RAB2B: variants seen among roughly 807,000 people sequenced by gnomAD.
RAB2B encodes RAB2B, member RAS oncogene family, also known as ras-related protein Rab-2B.
Under a neutral mutation model 29.8 loss-of-function variants are expected in RAB2B, and 20 were observed. The ratio of observed to expected loss-of-function variants is 0.67; its 90% confidence interval spans 0.47 to 0.97. The LOEUF (loss-of-function observed/expected upper bound fraction) is 0.97, where lower values mean the gene tolerates loss of function less well. Ranked by LOEUF, RAB2B falls within the 50% of genes least tolerant of loss-of-function variation. The pLI, the probability that RAB2B is intolerant of heterozygous loss-of-function variation, is 0.00. For synonymous variants in RAB2B, 93 were observed against 91.7 expected, an observed-to-expected ratio of 1.01 and a Z score of -0.08; for missense variants, 218 against 272.0, an observed-to-expected ratio of 0.80 and a Z score of 1.40.
chr14:21,468,406 G>A lies in RAB2B; in HGVS notation c.313C>T (p.Arg105Trp), dbSNP rs975474659. The A allele has an allele frequency of 1.5e-5, 24 of 1,613,728 alleles. 1 individual carries two copies. The highest frequency in any genetic ancestry group is 2.7e-5 in the African/African-American group (2 of 74,814). ...ACCATGTTGGAACTAGAGTGCTGCC[G>A]GGCATCCTCTAACCATGAGGTCAGG... ...NHLTSWLEDA[R>W]QHSSSNMVIM... The change falls in exon 5 of 8, where the codon CGG becomes TGG. Residue 105 changes from arginine (R) to tryptophan (W), a missense_variant. Arg to Trp is a moderately radical substitution (Grantham distance 101). Transcript: ENST00000397762.
intron 6 of RAB2B, among the ~76,000 whole-genome samples, chr14:21,463,289 T>G (rs1289673393): frequency 1.4e-5 from 2 of 145,854 alleles, no homozygotes; most frequent in African/African-American, 5.1e-5. Context: ...CTCTGTTGCC[T>G]AGGCTGGAGT....
At chr14:21,468,540 C>A in intron 4 of RAB2B, 91 bp from the exon 5 acceptor site, 6 of 1,329,568 alleles carry the variant, frequency 4.5e-6, no homozygotes, top group South Asian at 1.2e-5. Context: ...GGAAGCCATA[C>A]GTGTAAAGAA....
At chr14:21,470,104 C>G (rs1332548499) in intron 3 of RAB2B, among the ~76,000 whole-genome samples, 1 of 152,012 alleles carries the variant, frequency 6.6e-6, no homozygotes, top group Non-Finnish European at 1.5e-5. Flanking sequence ...AGGCGCCCAC[C>G]ACCATGCCTG....
chr14:21,460,387 C>T lies in RAB2B; in HGVS notation c.*809G>A, dbSNP rs1333543546. 2 of 458,340 alleles carry T rather than the reference C, an allele frequency of 4.4e-6. No individual in the cohort carries two copies. Among genetic ancestry groups the T allele is most frequent in the South Asian group, 1.6e-5 (1 of 63,908 alleles). 28.4% of individuals were successfully genotyped at this position (458,340 alleles called of 1,614,324 possible). On this transcript the variant is annotated 3_prime_UTR_variant, in exon 8 of 8. Coordinates refer to ENST00000397762, the MANE Select transcript of RAB2B (RefSeq NM_032846.4). ...GGATCACGAGGTCAAGAGATCAAGACCATCCTGGCCAACATGGTGAAACCC... is the reference window on the plus strand; with the variant it reads ...GGATCACGAGGTCAAGAGATCAAGATCATCCTGGCCAACATGGTGAAACCC...
chr14:21,470,993 C>CAAAAAAAAAAAAAAAAAAAAA (rs869211285), intron 3 of RAB2B, among the ~76,000 whole-genome samples: 3 of 98,768 alleles, frequency 3.0e-5, no homozygotes, highest in African/African-American at 1.3e-4. Context: ...GCTAAAAATA[C>CAAAAAAAAAAAAAAAAAAAAA]AAAAAAAAAA....
At chr14:21,476,656 T>C (rs765940757) in intron 1 of RAB2B, 57 bp from the exon 2 acceptor site, 18 of 1,612,814 alleles carry the variant, frequency 1.1e-5, no homozygotes, top group South Asian at 9.9e-5. Flanking sequence ...TTCCAGAGTA[T>C]GGACTTCCCG....
chr14:21,468,127 T>C (rs1421807180), intron 5 of RAB2B, among the ~76,000 whole-genome samples: 1 of 152,058 alleles, frequency 6.6e-6, no homozygotes, highest in Non-Finnish European at 1.5e-5. Context: ...GTTCTGGAGA[T>C]GGATGTTGGT....
chr14:21,461,402 CAGAA>C (rs1050155008), intron 7 of RAB2B, 99 bp from the exon 8 acceptor site: 132 of 732,190 alleles, frequency 1.8e-4, no homozygotes, highest in Middle Eastern at 4.0e-4. Context: ...AGAAAGAAAA[CAGAA>C]AGGGGAGAAA....
chr14:21,466,998 C>T (rs911722496), intron 5 of RAB2B, among the ~76,000 whole-genome samples: 12 of 152,110 alleles, frequency 7.9e-5, no homozygotes, highest in South Asian at 2.1e-4. Context: ...CCTCCGCCTC[C>T]CGAGTTCAAG....
At chr14:21,466,485 C>T (rs1890690189) in intron 5 of RAB2B, among the ~76,000 whole-genome samples, 1 of 152,116 alleles carries the variant, frequency 6.6e-6, no homozygotes, top group Admixed American at 6.6e-5. Context: ...GAAACTCCAT[C>T]TCATAACAAA....
chr14:21,470,541 G>A (rs1447108240), intron 3 of RAB2B, among the ~76,000 whole-genome samples: 1 of 152,090 alleles, frequency 6.6e-6, no homozygotes, highest in East Asian at 1.9e-4. Flanking sequence ...AGCTGTTAGA[G>A]AATCAGAATC....
chr14:21,474,147 C>T (rs887561586), intron 3 of RAB2B, among the ~76,000 whole-genome samples: 7 of 151,552 alleles, frequency 4.6e-5, no homozygotes, highest in African/African-American at 9.7e-5. Context: ...GCCAAGATTA[C>T]GCCATTGCAT....
intron 5 of RAB2B, among the ~76,000 whole-genome samples, chr14:21,466,397 G>T (rs1488987051): frequency 2.0e-5 from 3 of 152,256 alleles, no homozygotes; most frequent in Admixed American, 2.0e-4. Context: ...TGAGGCAGGA[G>T]AATCGCTTGA....
At chr14:21,472,711 G>A (rs1169272419) in intron 3 of RAB2B, among the ~76,000 whole-genome samples, 2 of 151,900 alleles carry the variant, frequency 1.3e-5, no homozygotes, top group East Asian at 3.9e-4. Flanking sequence ...GTCCAAAGTC[G>A]TGGCTCTCAA....
chr14:21,471,235 T>C (rs2139603312), intron 3 of RAB2B, among the ~76,000 whole-genome samples: 1 of 151,782 alleles, frequency 6.6e-6, no homozygotes, highest in Non-Finnish European at 1.5e-5. Context: ...CCAAAGTTTG[T>C]GAACCAGTAA....
In RAB2B at chr14:21,472,346, C is replaced by T. The variant is rs545672631; in HGVS notation, c.186+2521G>A. Among the ~76,000 whole-genome samples the T allele has an allele frequency of 4.6e-5, 7 of 152,228 alleles. No individual in the cohort carries two copies. In the South Asian group the frequency reaches 1.5e-3, roughly 32 times the overall value. On this transcript the variant is annotated intron_variant, in intron 3 of 7. Coordinates refer to ENST00000397762, the MANE Select transcript of RAB2B (RefSeq NM_032846.4). ...AAAGACAACAAAAACCTTTGGACAA[C>T]CTGATCTCTTTAAAATACCTATCAC...
rs1890548929 is a variant in RAB2B, at chr14:21,461,259, T to G, written c.588A>C (p.Ser196=). Residue 196 remains serine (S), a synonymous_variant, in exon 8 of 8, where the codon TCA becomes TCC. Coordinates refer to ENST00000397762, the MANE Select transcript of RAB2B (RefSeq NM_032846.4). ...TCCGCTGGGAGGCACTGGGTCCCAC[T>G]GATGTTGAAATTGACTGTTGGGGCC... The part of the protein sequence containing the change: ...KIGPQQSIST[S]VGPSASQRNS... The G allele has an allele frequency of 1.2e-6, 2 of 1,613,740 alleles. No homozygotes were observed. The highest frequency in any genetic ancestry group is 2.2e-5 in the South Asian group (2 of 91,050).
In RAB2B at chr14:21,476,915, G is replaced by C; in HGVS notation, c.-43C>G. The C allele has an allele frequency of 6.2e-7, 1 of 1,604,884 alleles. No individual in the cohort carries two copies. Among genetic ancestry groups the C allele is most frequent in the Non-Finnish European group, 8.5e-7 (1 of 1,173,348 alleles). On this transcript the variant is annotated 5_prime_UTR_variant, in exon 1 of 8. Transcript: ENST00000397762. ...GTTCCGGGTCCGCCCGACTTCTATAGCCACTTACCTCCGACCTCTCTAGCC... is the reference window on the plus strand; with the variant it reads ...GTTCCGGGTCCGCCCGACTTCTATACCCACTTACCTCCGACCTCTCTAGCC...
Position 21,459,841 on chromosome 14 carries a change from T to C in RAB2B, c.*1355A>G, listed in dbSNP as rs1048150820. Reference sequence around the variant, plus strand: ...ACATTCAGTAAGTAGATTAGCCTGATTGGAGTAGAAAGTCTAGGTCTAGTT... The same window carrying C: ...ACATTCAGTAAGTAGATTAGCCTGACTGGAGTAGAAAGTCTAGGTCTAGTT... On this transcript the variant is annotated 3_prime_UTR_variant, in exon 8 of 8. Coordinates refer to ENST00000397762, the MANE Select transcript of RAB2B (RefSeq NM_032846.4). 4 of 233,198 alleles carry C rather than the reference T, an allele frequency of 1.7e-5. No homozygotes were observed. Among genetic ancestry groups the C allele is most frequent in the African/African-American group, 4.5e-5 (2 of 44,064 alleles). 14.4% of individuals were successfully genotyped at this position (233,198 alleles called of 1,614,324 possible).
Sources: allele counts gnomAD v4.1 joint callset (sites outside exome capture counted in the v4.1 genomes callset), GRCh38; gene constraint gnomAD v4.1.1; transcripts MANE v1.5; gene names NCBI Gene and HGNC (gene_info 2026-07-23, HGNC 2026-07-21).